The following PLPPR1 variants were observed in gnomAD, a reference collection of about 807,000 sequenced individuals.
PLPPR1 encodes phospholipid phosphatase-related protein type 1.
In PLPPR1, 10 loss-of-function variants were observed where a neutral mutation model predicts 33.1. The ratio of observed to expected loss-of-function variants is 0.30; its 90% CI spans 0.19 to 0.51. PLPPR1 has a LOEUF of 0.51. Among genes scored for constraint, PLPPR1 ranks in the 20% least tolerant of loss-of-function variants. The pLI is 0.97. For synonymous variants in PLPPR1, 151 were observed against 151.0 expected, an observed-to-expected ratio of 1.00 and a Z score of 0.00; for missense variants, 304 against 408.1, an observed-to-expected ratio of 0.74 and a Z score of 2.20.
At chr9:101,057,919 T>C (rs879144647) in intron 1 of PLPPR1, among the ~76,000 whole-genome samples, 2 of 152,106 alleles carry the variant, frequency 1.3e-5, no homozygotes, top group African/African-American at 4.8e-5. Context: ...TGAGTACATT[T>C]GGAGGTGAGG....
chr9:101,059,013 G>T (rs117229152), intron 1 of PLPPR1, among the ~76,000 whole-genome samples: 1 of 152,100 alleles, frequency 6.6e-6, no homozygotes, highest in Non-Finnish European at 1.5e-5. Flanking sequence ...CTATTCTGGT[G>T]GGGGGAGAAC....
At chr9:101,322,172 T>C (rs1829164117) in intron 7 of PLPPR1, among the ~76,000 whole-genome samples, 1 of 106,786 alleles carries the variant, frequency 9.4e-6, no homozygotes, top group South Asian at 3.3e-4. Context: ...CACTCCAGCC[T>C]GGGGGACAAC....
rs972059288 is a variant in PLPPR1 at position 101,311,120 on chromosome 9, C to T, written c.636+1659C>T. Among the ~76,000 whole-genome samples, 5 of 152,108 alleles carry T rather than the reference C, an allele frequency of 3.3e-5. No homozygotes were observed. In the East Asian group the frequency reaches 5.8e-4, roughly 18 times the overall value. ...ATTTTTTATCAGACTCAAGTCATTGCTGTGTGAAATTAATTTTTATAGTAC... is the reference window on the plus strand; with the variant it reads ...ATTTTTTATCAGACTCAAGTCATTGTTGTGTGAAATTAATTTTTATAGTAC... On this transcript the variant is annotated intron_variant, in intron 5 of 7. Transcript: ENST00000374874.
intron 1 of PLPPR1, among the ~76,000 whole-genome samples, chr9:101,035,429 A>T (rs1427330033): frequency 6.6e-6 from 1 of 152,100 alleles, no homozygotes. Context: ...ATCCAAACTA[A>T]ACTTCTTACA....
chr9:101,083,721 G>A lies in PLPPR1; in HGVS notation c.-46+54619G>A, dbSNP rs1435763181. Among the ~76,000 whole-genome samples, 6 of 151,374 alleles carry A rather than the reference G, an allele frequency of 4.0e-5. No individual in the cohort carries two copies. In the East Asian group the frequency reaches 1.2e-3, roughly 29 times the overall value. ...TCCTTTATCTATTTTAAAGAAGAAG[G>A]CTTGATTGAGGAATGCCGCATTGAA... On this transcript the variant is annotated intron_variant, in intron 1 of 7. Transcript: ENST00000374874.
intron 1 of PLPPR1, among the ~76,000 whole-genome samples, chr9:101,114,068 G>A (rs143255966): frequency 8.1e-4 from 124 of 152,160 alleles, no homozygotes; most frequent in Non-Finnish European, 1.0e-3. Context: ...AAGTGTAGGC[G>A]TTTTCCTTTC....
chr9:101,179,425 T>C (rs1826066479), intron 1 of PLPPR1, among the ~76,000 whole-genome samples: 1 of 152,198 alleles, frequency 6.6e-6, no homozygotes, highest in Non-Finnish European at 1.5e-5. Context: ...GTCCTAAGTA[T>C]TTCCTCCTTC....
chr9:101,322,198 CAAAAAAAAAAA>C lies in PLPPR1; in HGVS notation c.946-1807_946-1797del, dbSNP rs57344415. Reference sequence around the variant, plus strand: ...GGGGGACAACAGCAAGACTTCATCTCAAAAAAAAAAAAAAAAAAAAAAAAAAAAAAGACAGA... The same window carrying C: ...GGGGGACAACAGCAAGACTTCATCTCAAAAAAAAAAAAAAAAAAAGACAGA... On this transcript the variant is annotated intron_variant, in intron 7 of 7. Coordinates refer to ENST00000374874, the MANE Select transcript of PLPPR1 (RefSeq NM_207299.2). 1.0e-3 allele frequency among the ~76,000 whole-genome samples: 29 copies of C among 27,678 alleles called. No individual in the cohort carries two copies. In the East Asian group the frequency reaches 0.014, roughly 13 times the overall value. 18.2% of individuals were successfully genotyped at this position (27,678 alleles called of 152,430 possible).
chr9:101,123,968 C>T (rs1437195693), intron 1 of PLPPR1, among the ~76,000 whole-genome samples: 2 of 152,182 alleles, frequency 1.3e-5, no homozygotes, highest in Non-Finnish European at 2.9e-5. Context: ...GTCAGACATG[C>T]AAGCCCTGCC....
At chr9:101,061,526 T>G (rs1325763036) in intron 1 of PLPPR1, among the ~76,000 whole-genome samples, 1 of 151,950 alleles carries the variant, frequency 6.6e-6, no homozygotes, top group African/African-American at 2.4e-5. Context: ...AACTGAAGCT[T>G]ATTATTTTGG....
intron 2 of PLPPR1, among the ~76,000 whole-genome samples, chr9:101,248,563 G>T (rs1476083390): frequency 6.6e-6 from 1 of 151,998 alleles, no homozygotes; most frequent in African/African-American, 2.4e-5. Flanking sequence ...AGTGAGAAAA[G>T]GAGGCTTAGA....
chr9:101,062,495 A>G (rs1352951081), intron 1 of PLPPR1, among the ~76,000 whole-genome samples: 6 of 151,966 alleles, frequency 3.9e-5, no homozygotes, highest in African/African-American at 1.4e-4. Flanking sequence ...ACTTAAACAT[A>G]GCAAAAAAAT....
At chr9:101,225,161 C>T (rs1227238519) in intron 2 of PLPPR1, among the ~76,000 whole-genome samples, 2 of 152,064 alleles carry the variant, frequency 1.3e-5, no homozygotes, top group Non-Finnish European at 1.5e-5. Context: ...ACCATGTTAG[C>T]ATGTTTGTTA....
At chr9:101,290,885 C>T (rs1000965308) in intron 4 of PLPPR1, among the ~76,000 whole-genome samples, 1 of 152,204 alleles carries the variant, frequency 6.6e-6, no homozygotes, top group African/African-American at 2.4e-5. Context: ...TCTGCATTTC[C>T]ATCTGAGGTA....
chr9:101,084,532 G>A (rs1830654484), intron 1 of PLPPR1, among the ~76,000 whole-genome samples: 1 of 152,182 alleles, frequency 6.6e-6, no homozygotes, highest in Admixed American at 6.6e-5. Flanking sequence ...GTTTATAAAG[G>A]AGAAGTAAAG....
At chr9:101,211,559 G>C (rs920673566) in intron 2 of PLPPR1, among the ~76,000 whole-genome samples, 3 of 152,104 alleles carry the variant, frequency 2.0e-5, no homozygotes, top group African/African-American at 7.2e-5. Flanking sequence ...CTATAAATGA[G>C]CTAATTACTC....
At chr9:101,283,255 C>T (rs769879611) in intron 3 of PLPPR1, among the ~76,000 whole-genome samples, 1 of 152,216 alleles carries the variant, frequency 6.6e-6, no homozygotes, top group Non-Finnish European at 1.5e-5. Context: ...ATCACACTAT[C>T]TGACTTCTAA....
intron 1 of PLPPR1, among the ~76,000 whole-genome samples, chr9:101,070,572 A>C (rs1830471407): frequency 6.6e-6 from 1 of 152,078 alleles, no homozygotes; most frequent in South Asian, 2.1e-4. Flanking sequence ...CTAAGGATTG[A>C]GCACTGGCTA....
chr9:101,071,612 G>GAGAT (rs1830482996), intron 1 of PLPPR1, among the ~76,000 whole-genome samples: 1 of 151,830 alleles, frequency 6.6e-6, no homozygotes, highest in Admixed American at 6.6e-5. Context: ...GAAGGAGAGA[G>GAGAT]AGAGAGAGAG....
Sources: allele counts gnomAD v4.1 joint callset (sites outside exome capture counted in the v4.1 genomes callset), GRCh38; gene constraint gnomAD v4.1.1; transcripts MANE v1.5; gene names NCBI Gene and HGNC (gene_info 2026-07-23, HGNC 2026-07-21).